CSN2: variants seen among roughly 807,000 people sequenced by gnomAD.
The protein encoded by CSN2 is beta-casein.
CSN2 carries 27 observed loss-of-function variants against 27.3 expected under a neutral mutation model. The ratio of observed to expected loss-of-function variants is 0.99; its 90% CI spans 0.73 to 1.36. The LOEUF (loss-of-function observed/expected upper bound fraction) is 1.36, where lower values mean the gene tolerates loss of function less well. Ranked by LOEUF, CSN2 falls within the 40% of genes most tolerant of loss-of-function variation. CSN2 has a pLI of 0.00. For synonymous variants in CSN2, 131 were observed against 94.8 expected, an observed-to-expected ratio of 1.38 and a Z score of -2.22; for missense variants, 333 against 264.5, an observed-to-expected ratio of 1.26 and a Z score of -1.80.
In CSN2 at chr4:69,957,292, T is replaced by C. The variant is rs1723427552; in HGVS notation, c.657A>G (p.Pro219=). 1.9e-6 allele frequency: 3 copies of C among 1,566,146 alleles called. No homozygotes were observed. Among genetic ancestry groups the C allele is most frequent in the East Asian group, 2.3e-5 (1 of 44,348 alleles). Residue 219 remains proline, a synonymous_variant, in exon 6 of 8, where the codon CCA becomes CCG. Coordinates refer to ENST00000353151, the MANE Select transcript of CSN2 (RefSeq NM_001891.4). ...GACTTACACTAATGGGGTTATGAACTGGGGCAAGTGGCTGAGTCACAGGGT... is the reference window on the plus strand; with the variant it reads ...GACTTACACTAATGGGGTTATGAACCGGGGCAAGTGGCTGAGTCACAGGGT... ...QIYPVTQPLA[P]VHNPISV is the part of the protein sequence containing the mutation.
At chr4:69,962,005 C>A (rs1045546689) in intron 1 of CSN2, among the ~76,000 whole-genome samples, 86 of 152,000 alleles carry the variant, frequency 5.7e-4, no homozygotes, top group Admixed American at 5.4e-3. Context: ...AGAATAAAAT[C>A]CCTAGGAATC....
chr4:69,960,484 T>A (rs1390524373), intron 2 of CSN2, among the ~76,000 whole-genome samples: 1 of 150,840 alleles, frequency 6.6e-6, no homozygotes, highest in Non-Finnish European at 1.5e-5. Flanking sequence ...TATTATATTA[T>A]TATTAATATA....
At chr4:69,963,547 C>A (rs970111271) in intron 1 of CSN2, among the ~76,000 whole-genome samples, 4 of 150,810 alleles carry the variant, frequency 2.7e-5, no homozygotes, top group African/African-American at 4.9e-5. Flanking sequence ...TGGGAACACA[C>A]GGACACAGGA....
chr4:69,956,565 T>C (rs573689263), intron 6 of CSN2, among the ~76,000 whole-genome samples: 1 of 152,036 alleles, frequency 6.6e-6, no homozygotes, highest in Non-Finnish European at 1.5e-5. Flanking sequence ...CTTAAGAATG[T>C]TGTAAGTAGT....
In CSN2 at chr4:69,961,066, T is replaced by C. The variant is rs1020782359; in HGVS notation, c.-12-59A>G. ...TTGGTCAATTGGATATACTTTCTTA[T>C]GTAGGTAAGGTTACTTTTTATAAAA... On this transcript the variant is annotated intron_variant, in intron 1 of 7. Coordinates refer to ENST00000353151, the MANE Select transcript of CSN2 (RefSeq NM_001891.4). 4.1e-6 allele frequency: 5 copies of C among 1,208,894 alleles called. 1 individual carries two copies. Among genetic ancestry groups the C allele is most frequent in the South Asian group, 2.6e-5 (2 of 77,642 alleles). The allele number at this position is 1,208,894 out of a possible 1,614,324, so 74.9% of individuals were successfully genotyped here.
At chr4:69,958,702 T>G (rs1303745028) in intron 5 of CSN2, among the ~76,000 whole-genome samples, 1 of 152,098 alleles carries the variant, frequency 6.6e-6, no homozygotes, top group African/African-American at 2.4e-5. Context: ...TTAGTCTGTA[T>G]TCTAGAAATT....
chr4:69,957,380 GCT>G lies in CSN2; in HGVS notation c.567_568del (p.Arg189SerfsTer16). 1 of 1,613,602 alleles carries G rather than the reference GCT, an allele frequency of 6.2e-7. No individual in the cohort carries two copies. The highest frequency in any genetic ancestry group is 8.5e-7 in the Non-Finnish European group (1 of 1,179,894). On this transcript the variant is annotated frameshift_variant, in exon 6 of 8. Coordinates refer to ENST00000353151, the MANE Select transcript of CSN2 (RefSeq NM_001891.4). LOFTEE classifies it high-confidence loss of function. ...GAGCAGAAGGGCTTGAACAGGCACAGCTCTCTGAGGGTAGGGCACCACTTGCT... is the reference window on the plus strand; with the variant it reads ...GAGCAGAAGGGCTTGAACAGGCACAGCTCTGAGGGTAGGGCACCACTTGCT...
rs776355136 is a variant in CSN2 at position 69,958,939 on chromosome 4, C to G, written c.114G>C (p.Lys38Asn). 2 of 1,597,456 alleles carry G rather than the reference C, an allele frequency of 1.3e-6. No homozygotes were observed. The highest frequency in any genetic ancestry group is 1.7e-6 in the Non-Finnish European group (2 of 1,168,750). Reference protein sequence around the residue: ...SITEYKQKVEKVKHEDQQQGE... With the variant: ...SITEYKQKVENVKHEDQQQGE... The stretch of plus-strand genomic sequence containing the variant: ...CTTGCTGCTGGTCCTCATGTTTAAC[C>G]TTCTCAACTTTCTGCTAAAGATATA... The change falls in exon 5 of 8, where the codon AAG becomes AAC. Residue 38 changes from lysine to asparagine, a missense_variant. Lys to Asn is a moderately conservative substitution (Grantham distance 94, BLOSUM62 0). Coordinates refer to ENST00000353151, the MANE Select transcript of CSN2 (RefSeq NM_001891.4).
At chr4:69,960,815 A>C in intron 2 of CSN2, 130 bp downstream of exon 2, 1 of 720,426 alleles carries the variant, frequency 1.4e-6, no homozygotes, top group Non-Finnish European at 2.3e-6. Flanking sequence ...ATTTTGATAG[A>C]AGCCAAGAGA....
chr4:69,965,303 A>C (rs1379587950), intron 1 of CSN2, among the ~76,000 whole-genome samples: 1 of 150,606 alleles, frequency 6.6e-6, no homozygotes, highest in African/African-American at 2.4e-5. Flanking sequence ...CCCATACTAT[A>C]ATTGAAGTAT....
chr4:69,956,286 A>T (rs1213066775), intron 7 of CSN2, 28 bp downstream of exon 7: 1 of 1,343,496 alleles, frequency 7.4e-7, no homozygotes, highest in Non-Finnish European at 9.8e-7. Context: ...AAAATGATCA[A>T]TTAAATCTCC....
intron 2 of CSN2, among the ~76,000 whole-genome samples, 191 bp downstream of exon 2, chr4:69,960,754 A>G (rs1723547693): frequency 6.6e-6 from 1 of 152,090 alleles, no homozygotes; most frequent in Middle Eastern, 3.2e-3. Context: ...TGGTGCAGGA[A>G]GCATTTGGGG....
At position 69,955,405 on chromosome 4, in the gene CSN2, T is replaced by C. The variant is rs1000756362; in HGVS notation, c.*224A>G. The C allele has an allele frequency of 2.0e-5, 3 of 152,512 alleles. No individual in the cohort carries two copies. The highest frequency in any genetic ancestry group is 7.2e-5 in the African/African-American group (3 of 41,452). The allele number at this position is 152,512 out of a possible 1,614,324, so 9.4% of individuals were successfully genotyped here. On this transcript the variant is annotated 3_prime_UTR_variant, in exon 8 of 8. Transcript: ENST00000353151. ...GAGTATTGAACTTCTGTGGTACTAG[T>C]TGAATTAAGATTTGGAAAATGTAAA...
chr4:69,965,558 C>T (rs1723780459), intron 1 of CSN2, among the ~76,000 whole-genome samples, 123 bp downstream of exon 1: 1 of 151,024 alleles, frequency 6.6e-6, no homozygotes, highest in African/African-American at 2.4e-5. Context: ...AATCTCAGTA[C>T]TACCTTAAAT....
chr4:69,962,988 C>G (rs1723657009), intron 1 of CSN2, among the ~76,000 whole-genome samples: 1 of 152,138 alleles, frequency 6.6e-6, no homozygotes, highest in African/African-American at 2.4e-5. Context: ...TGAAAAAATG[C>G]TCATCATCAC....
intron 2 of CSN2, among the ~76,000 whole-genome samples, chr4:69,960,314 A>G (rs1723532578): frequency 6.6e-6 from 1 of 152,010 alleles, no homozygotes; most frequent in Admixed American, 6.6e-5. Flanking sequence ...CACAAATTTG[A>G]GAAATAAAAA....
At chr4:69,957,911 G>T in intron 5 of CSN2, 107 bp from the exon 6 acceptor site, 2 of 1,033,634 alleles carry the variant, frequency 1.9e-6, no homozygotes, top group South Asian at 3.2e-5. Context: ...TAAAAAGAGA[G>T]GAGAAAATAT....
At chr4:69,956,274 T>C (rs1723392737) in intron 7 of CSN2, 40 bp downstream of exon 7, 1 of 1,288,230 alleles carries the variant, frequency 7.8e-7, no homozygotes, top group Non-Finnish European at 1.0e-6. Context: ...ACATCATGTA[T>C]AAAAATGATC....
chr4:69,965,408 CTATA>C (rs756206077), intron 1 of CSN2, among the ~76,000 whole-genome samples: 6,030 of 87,954 alleles, frequency 0.069, 236 homozygotes, highest in African/African-American at 0.15. Context: ...TAGCCTCATA[CTATA>C]TATATATATA....
Sources: gnomAD v4.1 joint callset for allele counts (sites outside exome capture counted in the v4.1 genomes callset) on GRCh38, gnomAD v4.1.1 for gene constraint, MANE v1.5 for transcripts, NCBI Gene and HGNC (gene_info 2026-07-23, HGNC 2026-07-21) for gene names.